Variants in HEATR4 observed in about 807,000 individuals in gnomAD.
The protein encoded by HEATR4 is HEAT repeat containing 4, also known as HEAT repeat-containing protein 4.
HEATR4 carries 95 observed loss-of-function variants against 108.8 expected under a neutral mutation model. The ratio of observed to expected loss-of-function variants is 0.87; its 90% CI spans 0.74 to 1.04. HEATR4 has a LOEUF of 1.04. Among genes scored for constraint, HEATR4 ranks in the 50% least tolerant of loss-of-function variants. The probability of loss-of-function intolerance (pLI) is 0.00; values close to 1 mark genes in which losing one functional copy is unlikely to be tolerated. For synonymous variants in HEATR4, 443 were observed against 459.4 expected, an observed-to-expected ratio of 0.96 and a Z score of 0.46; for missense variants, 1,152 against 1,253.8, an observed-to-expected ratio of 0.92 and a Z score of 1.23.
At chr14:73,615,388 TAAAAAAA>T in the HEATR4 span, among the ~76,000 whole-genome samples, 7 of 63,330 alleles carry the variant, frequency 1.1e-4, no homozygotes, top group Non-Finnish European at 1.6e-4. Context: ...CTCTGTCTGA[TAAAAAAA>T]AAAAAAAAAA....
rs574632817 is a variant in HEATR4, at chr14:73,488,018, A to T, written c.2844+5048T>A. Reference sequence around the variant, plus strand: ...CCTAGCTGAGGAACTTGGATTTGTCAATGGGGCACCTAGGTAGATTTTGAG... The same window carrying T: ...CCTAGCTGAGGAACTTGGATTTGTCTATGGGGCACCTAGGTAGATTTTGAG... On this transcript the variant is annotated intron_variant, in intron 17 of 17. Coordinates refer to ENST00000553558, the MANE Select transcript of HEATR4 (RefSeq NM_001220484.1). Among the ~76,000 whole-genome samples, 5 of 152,314 alleles carry T rather than the reference A, an allele frequency of 3.3e-5. No individual in the cohort carries two copies. The South Asian group carries it at 1.0e-3, about 32-fold the overall frequency.
At chr14:73,501,220 G>T (rs138907280) in intron 11 of HEATR4, among the ~76,000 whole-genome samples, 2 of 152,038 alleles carry the variant, frequency 1.3e-5, no homozygotes, top group Non-Finnish European at 2.9e-5. Context: ...CTGGGTTCAC[G>T]CCATTCTCCT....
At chr14:73,544,018 C>A (rs1476607384) in intron 1 of HEATR4, among the ~76,000 whole-genome samples, 3 of 113,732 alleles carry the variant, frequency 2.6e-5, no homozygotes, top group African/African-American at 5.7e-5. Context: ...GTGAGCCAGG[C>A]GTGGTGGCTC....
At position 73,506,508 on chromosome 14, in the gene HEATR4, C is replaced by T. The variant is rs778922454; in HGVS notation, c.1945G>A (p.Ala649Thr). The T allele has an allele frequency of 6.2e-7, 1 of 1,613,814 alleles. No homozygotes were observed. The highest frequency in any genetic ancestry group is 1.7e-5 in the Admixed American group (1 of 60,010). The change falls in exon 10 of 18, where the codon GCC (alanine) becomes ACC (threonine). Residue 649 changes from alanine to threonine, a missense_variant. Coordinates refer to ENST00000553558, the MANE Select transcript of HEATR4 (RefSeq NM_001220484.1). ...CTGATCCGGGAGAAAGCCTGGCAGG[C>T]CACAATCCGGTTCTTCCATTGACAG... ...NSCQWKNRIV[A>T]CQAFSRISGN...
intron 1 of HEATR4, among the ~76,000 whole-genome samples, chr14:73,554,209 A>G (rs1302798308): frequency 8.8e-6 from 1 of 113,982 alleles, no homozygotes; most frequent in Non-Finnish European, 1.9e-5. Flanking sequence ...CCAGCTACTC[A>G]GGAGACAGAG....
rs869167008 is a variant in HEATR4, at chr14:73,535,469, C to CTTTTTTTTTTTTTTTTTTTTTTTTTT, written c.-151-5251_-151-5226dup. 2.4e-4 allele frequency among the ~76,000 whole-genome samples: 4 copies of CTTTTTTTTTTTTTTTTTTTTTTTTTT among 16,534 alleles called. 2 individuals are homozygous for CTTTTTTTTTTTTTTTTTTTTTTTTTT. Among genetic ancestry groups the CTTTTTTTTTTTTTTTTTTTTTTTTTT allele is most frequent in the Non-Finnish European group, 5.5e-4 (2 of 3,616 alleles). 10.8% of individuals were successfully genotyped at this position (16,534 alleles called of 152,430 possible). A position where few individuals can be genotyped will look rare whatever the true frequency, so the allele number is the denominator to read the frequency against. On this transcript the variant is annotated intron_variant, in intron 1 of 17. Coordinates refer to ENST00000553558, the MANE Select transcript of HEATR4 (RefSeq NM_001220484.1). ...CCTTTTTCTTTTCTTTTTCTTCTTT[C>CTTTTTTTTTTTTTTTTTTTTTTTTTT]TTTTTTTTTTTTTTTTTTTTTTTTT...
the HEATR4 span, among the ~76,000 whole-genome samples, chr14:73,618,325 A>ACTGTATTTAACAGTTTGTTCATTTG: frequency 1.3e-5 from 2 of 151,830 alleles, no homozygotes; most frequent in African/African-American, 4.9e-5. Context: ...GGCACCCCAG[A>ACTGTATTTAACAGTTTGTTCATTTG]ATTCTCTGCC....
rs754459009 is a variant in HEATR4 at position 73,502,861 on chromosome 14, A to G, written c.2105+34T>C. 18 of 1,519,410 alleles carry G rather than the reference A, an allele frequency of 1.2e-5. No homozygotes were observed. In the African/African-American group the frequency reaches 2.1e-4, roughly 17 times the overall value. 94.1% of individuals were successfully genotyped at this position (1,519,410 alleles called of 1,614,324 possible). The stretch of plus-strand genomic sequence containing the variant: ...GCCTCCTAAACACTTCTAAGAATTT[A>G]GAAGAGTGTCTCCTCATGTTGACTG... On this transcript the variant is annotated intron_variant, in intron 11 of 17. Coordinates refer to ENST00000553558, the MANE Select transcript of HEATR4 (RefSeq NM_001220484.1).
chr14:73,610,201 G>A, the HEATR4 span, among the ~76,000 whole-genome samples: 1 of 151,760 alleles, frequency 6.6e-6, no homozygotes, highest in Non-Finnish European at 1.5e-5. Context: ...TGATCATCCT[G>A]CTTATTATAG....
chr14:73,604,182 T>TTTTTTTTA, the HEATR4 span, among the ~76,000 whole-genome samples: 1 of 131,494 alleles, frequency 7.6e-6, no homozygotes, highest in Admixed American at 7.6e-5. Context: ...TTTTTTTTTT[T>TTTTTTTTA]GAGATGGAGT....
the HEATR4 span, among the ~76,000 whole-genome samples, chr14:73,576,915 T>G: frequency 6.8e-6 from 1 of 146,992 alleles, no homozygotes. Flanking sequence ...AACCTTAATT[T>G]ATTATTCTTT....
Position 73,550,248 on chromosome 14 carries a change from C to G in HEATR4, c.-152+8503G>C, listed in dbSNP as rs1207161842. On this transcript the variant is annotated intron_variant, in intron 1 of 17. Transcript: ENST00000553558. The stretch of plus-strand genomic sequence containing the variant: ...CAGGATAGGTAGCTAAGGGAGTGAC[C>G]GTGTTCTCGGGATGCAGCGACCATG... Among the ~76,000 whole-genome samples the G allele has an allele frequency of 1.8e-5, 2 of 113,064 alleles. 1 individual carries two copies. Among genetic ancestry groups the G allele is most frequent in the Non-Finnish European group, 3.8e-5 (2 of 52,038 alleles). The allele number at this position is 113,064 out of a possible 152,430, so 74.2% of individuals were successfully genotyped here. A position where few individuals can be genotyped will look rare whatever the true frequency, so the allele number is the denominator to read the frequency against.
the HEATR4 span, among the ~76,000 whole-genome samples, chr14:73,588,655 GC>G: frequency 6.6e-6 from 1 of 152,254 alleles, no homozygotes; most frequent in East Asian, 1.9e-4. Flanking sequence ...TACACTGACA[GC>G]CACCTTATGA....
chr14:73,495,898 C>T (rs1437213244), intron 15 of HEATR4, among the ~76,000 whole-genome samples: 1 of 152,034 alleles, frequency 6.6e-6, no homozygotes, highest in African/African-American at 2.4e-5. Flanking sequence ...GAGGCTGAGG[C>T]GGGTGGATCA....
At chr14:73,498,026 G>C (rs2140257469) in intron 14 of HEATR4, 129 bp downstream of exon 14, 5 of 779,778 alleles carry the variant, frequency 6.4e-6, no homozygotes, top group East Asian at 2.6e-5. Context: ...GGTGAGTGGT[G>C]AATGTGCAGG....
At chr14:73,583,139 C>T in the HEATR4 span, among the ~76,000 whole-genome samples, 1 of 151,828 alleles carries the variant, frequency 6.6e-6, no homozygotes, top group Non-Finnish European at 1.5e-5. Flanking sequence ...GTCAGGAGTT[C>T]AAGACCAGCC....
chr14:73,530,099 A>G (rs1365118521), intron 2 of HEATR4, 67 bp downstream of exon 2: 3 of 126,472 alleles, frequency 2.4e-5, no homozygotes, highest in South Asian at 5.4e-4. Flanking sequence ...AGTAGCTGGG[A>G]CCACAGGTGT....
rs777367058 is a variant in HEATR4, at chr14:73,519,169, AACAG to A, written c.1070-10_1070-7del. ...GTGGATGATCTGGACTTCATCTGTG[AACAG>A]ACAAAGAAACAATGAGTCCCCTATA... On this transcript the variant is annotated splice_region_variant and splice_polypyrimidine_tract_variant and intron_variant, in intron 4 of 17. Transcript: ENST00000553558. 1.7e-5 allele frequency: 28 copies of A among 1,609,602 alleles called. No homozygotes were observed. The highest frequency in any genetic ancestry group is 6.7e-5 in the East Asian group (3 of 44,748).
At chr14:73,618,987 G>A in the HEATR4 span, among the ~76,000 whole-genome samples, 10 of 151,900 alleles carry the variant, frequency 6.6e-5, no homozygotes, top group Admixed American at 3.9e-4. Flanking sequence ...AAAATTAGCC[G>A]GGCGTGGTGG....
Sources: allele counts gnomAD v4.1 joint callset (sites outside exome capture counted in the v4.1 genomes callset), GRCh38; gene constraint gnomAD v4.1.1; transcripts MANE v1.5; gene names NCBI Gene and HGNC (gene_info 2026-07-23, HGNC 2026-07-21).